TEX2: variants seen among roughly 807,000 people sequenced by gnomAD.
TEX2 encodes the protein testis expressed 2.
Under a neutral mutation model 106.9 loss-of-function variants are expected in TEX2, and 53 were observed. The observed-to-expected ratio is 0.50, with a 90% CI of 0.40 to 0.62. The LOEUF is 0.62. TEX2 is among the 20% of genes least tolerant of loss of function. The pLI, the probability that TEX2 is intolerant of heterozygous loss-of-function variation, is 0.00. For missense variants in TEX2, 1,207 were observed against 1,379.0 expected, an observed-to-expected ratio of 0.88 and a Z score of 1.98; for synonymous variants, 523 against 534.8, an observed-to-expected ratio of 0.98 and a Z score of 0.30.
chr17:64,192,668 A>G (rs1252550635), intron 4 of TEX2, among the ~76,000 whole-genome samples: 2 of 152,144 alleles, frequency 1.3e-5, no homozygotes, highest in East Asian at 3.9e-4. Flanking sequence ...CAGTGCTGGG[A>G]TTAGGATGGA....
intron 2 of TEX2, among the ~76,000 whole-genome samples, chr17:64,198,282 T>G (rs1222683807): frequency 6.6e-6 from 1 of 151,380 alleles, no homozygotes; most frequent in Non-Finnish European, 1.5e-5. Flanking sequence ...CTTATTCAAT[T>G]TGGTTGCAGA....
At chr17:64,239,701 C>A (rs930971532) in intron 1 of TEX2, among the ~76,000 whole-genome samples, 1 of 151,540 alleles carries the variant, frequency 6.6e-6, no homozygotes, top group Non-Finnish European at 1.5e-5. Flanking sequence ...TATGGTGAAA[C>A]CCCGTCTCTA....
At chr17:64,200,854 C>A (rs2032637581) in intron 2 of TEX2, among the ~76,000 whole-genome samples, 1 of 152,130 alleles carries the variant, frequency 6.6e-6, no homozygotes, top group East Asian at 1.9e-4. Context: ...TTCTCCCTAC[C>A]CCCATCTTTT....
intron 2 of TEX2, among the ~76,000 whole-genome samples, chr17:64,197,082 G>T (rs1024315344): frequency 6.9e-5 from 10 of 144,426 alleles, no homozygotes; most frequent in Non-Finnish European, 1.4e-4. Context: ...AAGGAAAATG[G>T]TCTATAGTTT....
rs2033776062 is a variant in TEX2 at position 64,236,705 on chromosome 17, C to G, written c.-25-22463G>C. Among the ~76,000 whole-genome samples, 4 of 152,166 alleles carry G rather than the reference C, an allele frequency of 2.6e-5. No individual in the cohort carries two copies. In the South Asian group the frequency reaches 8.3e-4, roughly 32 times the overall value. ...ACCGAGGGATGATTACACTACAATACAGGAATTAATTTAAGAATAACACCT... is the reference window on the plus strand; with the variant it reads ...ACCGAGGGATGATTACACTACAATAGAGGAATTAATTTAAGAATAACACCT... On this transcript the variant is annotated intron_variant, in intron 1 of 11. Coordinates refer to ENST00000584379, the MANE Select transcript of TEX2 (RefSeq NM_001288732.2).
intron 1 of TEX2, chr17:64,230,795 C>T (rs2033638913): frequency 6.6e-6 from 1 of 152,184 alleles, no homozygotes; most frequent in Non-Finnish European, 1.5e-5. Context: ...TTCTAAGAGT[C>T]TATGACTCAA....
chr17:64,231,139 T>G (rs1269656273), intron 1 of TEX2, among the ~76,000 whole-genome samples: 2 of 152,154 alleles, frequency 1.3e-5, no homozygotes, highest in Admixed American at 1.3e-4. Flanking sequence ...AGGACAGGCA[T>G]CAACTTGGCC....
rs1012416888 is a variant in TEX2 at position 64,185,358 on chromosome 17, C to T, written c.2424+2810G>A. The stretch of plus-strand genomic sequence containing the variant: ...ACACAGAACCAGCAGCCTCCCTGGA[C>T]TCACACCCCTGAGCAAATCTGCAGC... On this transcript the variant is annotated intron_variant, in intron 5 of 11. Coordinates refer to ENST00000584379, the MANE Select transcript of TEX2 (RefSeq NM_001288732.2). This position sits in a 1 kb window ranked among gnomAD's most constrained non-coding sequence, Gnocchi z 4.0. Among the ~76,000 whole-genome samples, 2 of 152,162 alleles carry T rather than the reference C, an allele frequency of 1.3e-5. No individual in the cohort carries two copies.
intron 1 of TEX2, among the ~76,000 whole-genome samples, chr17:64,254,023 AAC>A (rs1347060229): frequency 6.6e-6 from 1 of 152,118 alleles, no homozygotes; most frequent in Non-Finnish European, 1.5e-5. Context: ...CCTGGCAGCA[AAC>A]ACAACTCCCA....
intron 5 of TEX2, among the ~76,000 whole-genome samples, chr17:64,181,489 A>T (rs1224129689): frequency 1.1e-4 from 16 of 151,296 alleles, no homozygotes; most frequent in African/African-American, 3.6e-4. Context: ...AAAAAAAAAA[A>T]AAAAAAAAAG....
chr17:64,193,112 G>A (rs557368222), intron 4 of TEX2, among the ~76,000 whole-genome samples: 3 of 152,284 alleles, frequency 2.0e-5, no homozygotes, highest in South Asian at 4.2e-4. Context: ...TTATCAATCC[G>A]AATGACCACG....
chr17:64,259,003 C>T (rs1353614559), intron 1 of TEX2, among the ~76,000 whole-genome samples: 3 of 152,140 alleles, frequency 2.0e-5, no homozygotes, highest in African/African-American at 7.2e-5. Context: ...GGTGATCCGC[C>T]TCCCAAAGTG....
chr17:64,154,460 A>T (rs574100142), intron 9 of TEX2, among the ~76,000 whole-genome samples: 1 of 152,340 alleles, frequency 6.6e-6, no homozygotes, highest in South Asian at 2.1e-4. Context: ...TCTGCTTTGC[A>T]GGAACTTGCA....
intron 2 of TEX2, among the ~76,000 whole-genome samples, chr17:64,209,084 G>T (rs1293025077): frequency 1.3e-5 from 2 of 152,180 alleles, no homozygotes; most frequent in Non-Finnish European, 2.9e-5. Context: ...AGGTGCTGAG[G>T]ATACAAGATG....
chr17:64,210,043 C>T (rs1278159346), intron 2 of TEX2, among the ~76,000 whole-genome samples: 1 of 152,214 alleles, frequency 6.6e-6, no homozygotes, highest in Non-Finnish European at 1.5e-5. Flanking sequence ...TAAGACAAGT[C>T]AGTGCTCAAA....
chr17:64,237,481 A>G (rs1350589054), intron 1 of TEX2, among the ~76,000 whole-genome samples: 1 of 152,188 alleles, frequency 6.6e-6, no homozygotes, highest in Non-Finnish European at 1.5e-5. Context: ...TGTAGTGTGG[A>G]AAATAAACTG....
At chr17:64,238,028 G>A (rs112507195) in intron 1 of TEX2, among the ~76,000 whole-genome samples, 11,191 of 152,238 alleles carry the variant, frequency 0.074, 514 homozygotes, top group Non-Finnish European at 0.11. Flanking sequence ...TCAGCCAGGC[G>A]CGGTGGTTCA....
chr17:64,261,724 C>T (rs1411571876), intron 1 of TEX2, among the ~76,000 whole-genome samples: 1 of 151,992 alleles, frequency 6.6e-6, no homozygotes, highest in Admixed American at 6.5e-5. Context: ...CAAAGGGGCC[C>T]AGAAAAAAAA....
chr17:64,184,872 CTT>C (rs2032017965), intron 5 of TEX2, among the ~76,000 whole-genome samples: 1 of 152,178 alleles, frequency 6.6e-6, no homozygotes, highest in African/African-American at 2.4e-5. Flanking sequence ...TTTTAGCACT[CTT>C]GTCTGAATTC....
Sources: allele counts gnomAD v4.1 joint callset (sites outside exome capture counted in the v4.1 genomes callset), GRCh38; gene constraint gnomAD v4.1.1; non-coding constraint Gnocchi (gnomAD v3.1); transcripts MANE v1.5; gene names NCBI Gene and HGNC (gene_info 2026-07-23, HGNC 2026-07-21).